CASR: variants seen among roughly 807,000 people sequenced by gnomAD.
CASR encodes the protein extracellular calcium-sensing receptor.
A neutral mutation model predicts 69.1 loss-of-function variants in CASR; 23 were observed. That is an observed-to-expected ratio of 0.33 (90% confidence interval 0.24 to 0.47). CASR has a LOEUF of 0.47. Ranked by LOEUF, CASR falls within the 20% of genes least tolerant of loss-of-function variation. The pLI is 1.00. For missense variants in CASR, 924 were observed against 1,356.1 expected (o/e 0.68, Z 5.00); for synonymous variants, 541 against 544.7 (o/e 0.99, Z 0.10).
chr3:122,183,968 A>T (rs1010725623), intron 1 of CASR, among the ~76,000 whole-genome samples, 156 bp downstream of exon 1: 1 of 152,082 alleles, frequency 6.6e-6, no homozygotes, highest in African/African-American at 2.4e-5. Flanking sequence ...GGGGTCAGGG[A>T]AGAGGACAGC....
chr3:122,283,056 G>C (rs898258577), intron 6 of CASR, among the ~76,000 whole-genome samples: 5 of 152,212 alleles, frequency 3.3e-5, no homozygotes, highest in African/African-American at 1.2e-4. Context: ...TCATCAAAAA[G>C]CTGTGGATGT....
intron 4 of CASR, among the ~76,000 whole-genome samples, chr3:122,269,649 C>G (rs955268616): frequency 6.6e-6 from 1 of 152,058 alleles, no homozygotes. Flanking sequence ...GACTATTGGT[C>G]TAAAGTTTTA....
intron 1 of CASR, among the ~76,000 whole-genome samples, chr3:122,216,151 C>A (rs185157679): frequency 6.6e-6 from 1 of 152,172 alleles, no homozygotes; most frequent in Non-Finnish European, 1.5e-5. Context: ...AATCTTGTTT[C>A]TTGATGGGTA....
chr3:122,270,002 C>G (rs1162388738), intron 4 of CASR, among the ~76,000 whole-genome samples: 1 of 152,034 alleles, frequency 6.6e-6, no homozygotes, highest in Non-Finnish European at 1.5e-5. Context: ...CCACCACCAC[C>G]AGCTAATTTT....
chr3:122,283,606 G>C, intron 6 of CASR, 81 bp from the exon 7 acceptor site: 1 of 1,128,750 alleles, frequency 8.9e-7, no homozygotes, highest in African/African-American at 1.5e-5. Flanking sequence ...AAAAAACTAT[G>C]TATTCCCACC....
intron 1 of CASR, chr3:122,184,206 G>C (rs948297289): frequency 6.6e-6 from 1 of 152,454 alleles, no homozygotes; most frequent in Non-Finnish European, 1.5e-5. Flanking sequence ...GGCAGCCCGC[G>C]AGTGGGCTAC....
intron 5 of CASR, among the ~76,000 whole-genome samples, chr3:122,277,302 C>T (rs2074834571): frequency 6.6e-6 from 1 of 152,158 alleles, no homozygotes. Flanking sequence ...CCTCCTCAGC[C>T]TCCCAGAGTG....
At chr3:122,282,859 A>T (rs926841609) in intron 6 of CASR, among the ~76,000 whole-genome samples, 3 of 152,228 alleles carry the variant, frequency 2.0e-5, no homozygotes, top group African/African-American at 7.2e-5. Context: ...TAAATTAGGA[A>T]ACTGAGGCTC....
At chr3:122,199,734 G>A (rs777161328) in intron 1 of CASR, among the ~76,000 whole-genome samples, 1 of 152,164 alleles carries the variant, frequency 6.6e-6, no homozygotes, top group Non-Finnish European at 1.5e-5. Flanking sequence ...TAGGAAGGAT[G>A]CGGGGGTGGG....
chr3:122,245,684 G>A (rs963434839), intron 1 of CASR, among the ~76,000 whole-genome samples: 4 of 152,028 alleles, frequency 2.6e-5, no homozygotes, highest in Non-Finnish European at 4.4e-5. Context: ...GGAACCCACC[G>A]GTAGGTTACT....
chr3:122,216,332 G>A (rs2074117508), intron 1 of CASR, among the ~76,000 whole-genome samples: 1 of 152,128 alleles, frequency 6.6e-6, no homozygotes, highest in African/African-American at 2.4e-5. Flanking sequence ...TTGATCATGG[G>A]CAAGGGAAAT....
chr3:122,285,366 A>C lies in CASR; in HGVS notation c.*175A>C. 1.7e-6 allele frequency: 1 copy of C among 591,336 alleles called. No homozygotes were observed. Among genetic ancestry groups the C allele is most frequent in the South Asian group, 2.1e-5 (1 of 48,450 alleles). 36.6% of individuals were successfully genotyped at this position (591,336 alleles called of 1,614,324 possible). A position where few individuals can be genotyped will look rare whatever the true frequency, so the allele number is the denominator to read the frequency against. On this transcript the variant is annotated 3_prime_UTR_variant, in exon 7 of 7. Transcript: ENST00000639785. ...CAGTGAATTGACCCATGTTCCCTTT[A>C]AAATTAAAAAAAAGAAGAGCCTTGT...
intron 4 of CASR, among the ~76,000 whole-genome samples, chr3:122,265,311 A>G (rs937564089): frequency 6.6e-6 from 1 of 152,166 alleles, no homozygotes; most frequent in African/African-American, 2.4e-5. Flanking sequence ...CCCCAAAAAA[A>G]TATTTATCAG....
At chr3:122,278,761 C>T (rs1024964052) in intron 5 of CASR, among the ~76,000 whole-genome samples, 1 of 152,154 alleles carries the variant, frequency 6.6e-6, no homozygotes, top group African/African-American at 2.4e-5. Context: ...AAAGTACAGA[C>T]TTTGAAGACT....
At position 122,277,193 on chromosome 3, in the gene CASR, C is replaced by T. The variant is rs35991472; in HGVS notation, c.1608+1151C>T. On this transcript the variant is annotated intron_variant, in intron 5 of 6. Transcript: ENST00000639785. ...CCTCCCAAGTAGCTGGAATTACAGG[C>T]GCACCACCACACCCAGCTAATTGTT... is the stretch of plus-strand genomic sequence containing the variant. 8.3e-3 allele frequency among the ~76,000 whole-genome samples: 1,267 copies of T among 151,862 alleles called. 16 individuals carry two copies. The highest frequency in any genetic ancestry group is 0.029 in the African/African-American group (1,183 of 41,406).
rs541874624 is a variant in CASR, at chr3:122,216,615, G to A, written c.-243+32803G>A. ...AAAAACTATAGTTATCTGTACAAAC[G>A]AGAGTAATAACTATACCATTCTAAT... is the stretch of plus-strand genomic sequence containing the variant. On this transcript the variant is annotated intron_variant, in intron 1 of 6. Transcript: ENST00000639785. 3.3e-5 allele frequency among the ~76,000 whole-genome samples: 5 copies of A among 152,304 alleles called. No homozygotes were observed. The East Asian group carries it at 5.8e-4, about 18-fold the overall frequency.
At chr3:122,200,073 A>C (rs1388773577) in intron 1 of CASR, among the ~76,000 whole-genome samples, 1 of 151,938 alleles carries the variant, frequency 6.6e-6, no homozygotes, top group Non-Finnish European at 1.5e-5. Context: ...ACACCTGGCT[A>C]ATTTTTTGTA....
intron 1 of CASR, among the ~76,000 whole-genome samples, chr3:122,252,415 A>AGGT (rs2074501686): frequency 5.0e-5 from 2 of 40,246 alleles, no homozygotes; most frequent in African/African-American, 9.8e-5. Context: ...AGGAAAAAGA[A>AGGT]AGAAAGAAAG....
At chr3:122,246,110 A>T (rs2074425454) in intron 1 of CASR, among the ~76,000 whole-genome samples, 1 of 152,180 alleles carries the variant, frequency 6.6e-6, no homozygotes, top group Admixed American at 6.5e-5. Flanking sequence ...TTCAGTGTAA[A>T]CCAGATAAAC....
Sources: gnomAD v4.1 joint callset for allele counts (sites outside exome capture counted in the v4.1 genomes callset) on GRCh38, gnomAD v4.1.1 for gene constraint, MANE v1.5 for transcripts, NCBI Gene and HGNC (gene_info 2026-07-23, HGNC 2026-07-21) for gene names.